The following MKLN1 variants were observed in gnomAD, a reference collection of about 807,000 sequenced individuals.
MKLN1 encodes the protein muskelin.
Under a neutral mutation model 99.0 loss-of-function variants are expected in MKLN1, and 18 were observed. The ratio of observed to expected loss-of-function variants is 0.18; its 90% CI spans 0.13 to 0.27. MKLN1 has a LOEUF of 0.27. Ranked by LOEUF, MKLN1 falls within the 10% of genes least tolerant of loss-of-function variation. The pLI is 1.00. For missense variants in MKLN1, 621 were observed against 875.9 expected (o/e 0.71, Z 3.67); for synonymous variants, 288 against 293.2 (o/e 0.98, Z 0.18).
chr7:131,119,278 A>C (rs1196447391), intron 1 of MKLN1, among the ~76,000 whole-genome samples: 2 of 152,114 alleles, frequency 1.3e-5, no homozygotes, highest in Non-Finnish European at 2.9e-5. Context: ...ATCTCCTTTG[A>C]CTCCATGTCT....
At chr7:131,298,561 T>C (rs977486363) in intron 3 of MKLN1, among the ~76,000 whole-genome samples, 6 of 152,218 alleles carry the variant, frequency 3.9e-5, no homozygotes, top group Non-Finnish European at 5.9e-5. Context: ...TTTGGCTGAT[T>C]TCACAAGTAA....
intron 3 of MKLN1, among the ~76,000 whole-genome samples, chr7:131,254,460 C>G (rs1187637030): frequency 6.6e-6 from 1 of 152,014 alleles, no homozygotes; most frequent in African/African-American, 2.4e-5. Context: ...TACTTGAGGG[C>G]TCAGATATCA....
chr7:131,283,584 A>G (rs765382518), intron 3 of MKLN1, among the ~76,000 whole-genome samples: 85 of 151,444 alleles, frequency 5.6e-4, no homozygotes, highest in Admixed American at 7.3e-4. Flanking sequence ...ACAGGCATGC[A>G]CCACCACAGC....
intron 8 of MKLN1, among the ~76,000 whole-genome samples, chr7:131,417,465 T>C (rs458998): frequency 1.3e-5 from 2 of 152,220 alleles, no homozygotes; most frequent in Non-Finnish European, 2.9e-5. Context: ...TCATTTAATA[T>C]ACAGTTGTCT....
At chr7:131,305,147 C>G (rs1398801988) in intron 3 of MKLN1, among the ~76,000 whole-genome samples, 3 of 152,136 alleles carry the variant, frequency 2.0e-5, no homozygotes, top group South Asian at 2.1e-4. Flanking sequence ...AATCTCTATT[C>G]TTTATGTGTT....
chr7:131,325,027 T>G (rs1480949992), upstream of MKLN1, among the ~76,000 whole-genome samples: 5 of 152,202 alleles, frequency 3.3e-5, no homozygotes, highest in African/African-American at 7.2e-5. Context: ...ACGTTTGTAG[T>G]CTGAGAAGTG....
Position 131,227,501 on chromosome 7 carries a change from C to CTTTCTTTCTTTCTTTG in MKLN1, c.-179+24542_-179+24543insGTTTCTTTCTTTCTTT, listed in dbSNP as rs1563259338. On this transcript the variant is annotated intron_variant, in intron 3 of 7. Transcript: ENST00000416992. ...TCTCTTTCTCTCTTTCTTTCTCTTT[C>CTTTCTTTCTTTCTTTG]TTTCTTTCTTTCTTTCTTTCTTTCT... is the stretch of plus-strand genomic sequence containing the variant. 7.0e-5 allele frequency among the ~76,000 whole-genome samples: 9 copies of CTTTCTTTCTTTCTTTG among 128,110 alleles called. 1 individual carries two copies. The highest frequency in any genetic ancestry group is 2.3e-4 in the African/African-American group (8 of 34,078). 84.0% of individuals were successfully genotyped at this position (128,110 alleles called of 152,430 possible).
intron 1 of MKLN1, among the ~76,000 whole-genome samples, chr7:131,142,068 G>A (rs577858982): frequency 1.3e-5 from 2 of 151,906 alleles, no homozygotes; most frequent in East Asian, 1.9e-4. Context: ...CTGCAGCCCA[G>A]GAGTTTGAGA....
At chr7:131,164,797 A>G (rs949184848) in intron 2 of MKLN1, among the ~76,000 whole-genome samples, 1 of 152,210 alleles carries the variant, frequency 6.6e-6, no homozygotes, top group African/African-American at 2.4e-5. Context: ...GGGAGCTGGG[A>G]ATCAGATGAC....
intron 12 of MKLN1, among the ~76,000 whole-genome samples, chr7:131,459,580 G>A (rs1584765505): frequency 1.3e-5 from 2 of 152,094 alleles, no homozygotes; most frequent in African/African-American, 4.8e-5. Flanking sequence ...TGTGTTCTGA[G>A]CCCCTGACAA....
intron 1 of MKLN1, among the ~76,000 whole-genome samples, chr7:131,331,320 A>G (rs1305098938): frequency 6.6e-6 from 1 of 152,206 alleles, no homozygotes; most frequent in Non-Finnish European, 1.5e-5. Context: ...AACAGTCACC[A>G]CTTATTGAGT....
At chr7:131,221,668 C>T (rs1380345509) in intron 3 of MKLN1, among the ~76,000 whole-genome samples, 7 of 149,200 alleles carry the variant, frequency 4.7e-5, no homozygotes, top group Non-Finnish European at 8.9e-5. Flanking sequence ...CCACCACACC[C>T]GGCTAATTTT....
At chr7:131,155,234 T>C (rs1795946319) in intron 2 of MKLN1, among the ~76,000 whole-genome samples, 1 of 152,186 alleles carries the variant, frequency 6.6e-6, no homozygotes, top group Non-Finnish European at 1.5e-5. Flanking sequence ...TTGTACAATT[T>C]TATGTGTATA....
chr7:131,378,869 C>T (rs78021758), intron 2 of MKLN1, among the ~76,000 whole-genome samples: 20 of 149,934 alleles, frequency 1.3e-4, no homozygotes, highest in East Asian at 1.2e-3. Flanking sequence ...CACACACGCA[C>T]GCAAAGCTGG....
At chr7:131,329,631 T>C (rs1306310898) in intron 1 of MKLN1, among the ~76,000 whole-genome samples, 3 of 152,224 alleles carry the variant, frequency 2.0e-5, no homozygotes, top group African/African-American at 7.2e-5. Context: ...CGTCACTCCT[T>C]AAATTTTTGA....
chr7:131,145,736 G>A (rs1440584729), intron 2 of MKLN1, among the ~76,000 whole-genome samples: 4 of 152,186 alleles, frequency 2.6e-5, no homozygotes, highest in Admixed American at 2.6e-4. Context: ...AATCCCAAAT[G>A]GCAGATTGAG....
intron 1 of MKLN1, among the ~76,000 whole-genome samples, chr7:131,338,940 A>T (rs1488310483): frequency 2.0e-5 from 3 of 152,238 alleles, no homozygotes; most frequent in African/African-American, 7.2e-5. Context: ...TGAAGATGAC[A>T]ACAATGAAGA....
chr7:131,310,543 G>C (rs1408997095), intron 3 of MKLN1: 3 of 152,192 alleles, frequency 2.0e-5, no homozygotes, highest in Non-Finnish European at 4.4e-5. Flanking sequence ...ATACACAGCG[G>C]AAATATTTTG....
At chr7:131,464,453 C>A (rs1374431877) in intron 14 of MKLN1, 45 bp downstream of exon 14, 4 of 1,090,746 alleles carry the variant, frequency 3.7e-6, no homozygotes, top group Non-Finnish European at 4.2e-6. Flanking sequence ...GGCCTACTAT[C>A]TGAAACAATC....
Sources: gnomAD v4.1 joint callset for allele counts (sites outside exome capture counted in the v4.1 genomes callset) on GRCh38, gnomAD v4.1.1 for gene constraint, MANE v1.5 for transcripts, NCBI Gene and HGNC (gene_info 2026-07-23, HGNC 2026-07-21) for gene names.